SGPP2: variants seen among roughly 807,000 people sequenced by gnomAD.
SGPP2 encodes sphingosine 1-phosphate phosphohydrolase 2.
In SGPP2, 30 loss-of-function variants were observed where a neutral mutation model predicts 33.9. The ratio of observed to expected loss-of-function variants is 0.89; its 90% confidence interval spans 0.66 to 1.20. SGPP2 has a LOEUF of 1.20. SGPP2 is among the 50% of genes most tolerant of loss of function. The probability of loss-of-function intolerance (pLI) is 0.00; values close to 1 mark genes in which losing one functional copy is unlikely to be tolerated. For missense variants in SGPP2, 458 were observed against 532.1 expected, an observed-to-expected ratio of 0.86 and a Z score of 1.37; for synonymous variants, 233 against 225.0, an observed-to-expected ratio of 1.04 and a Z score of -0.32.
chr2:222,546,519 T>G (rs936775646), intron 4 of SGPP2, among the ~76,000 whole-genome samples: 54 of 152,326 alleles, frequency 3.5e-4, no homozygotes, highest in African/African-American at 1.2e-3. Context: ...AAATCTCCAG[T>G]AATCTCTAGT....
At chr2:222,511,058 A>G (rs1327971232) in intron 2 of SGPP2, among the ~76,000 whole-genome samples, 1 of 152,218 alleles carries the variant, frequency 6.6e-6, no homozygotes, top group African/African-American at 2.4e-5. Context: ...AAGTCTGGCT[A>G]ATTGGAAATG....
chr2:222,555,445 GTTTTTTTTTTT>G (rs57228014), intron 4 of SGPP2, among the ~76,000 whole-genome samples: 1 of 85,864 alleles, frequency 1.2e-5, no homozygotes, highest in Admixed American at 1.3e-4. Context: ...TCTTTTATCC[GTTTTTTTTTTT>G]TTTTTTTTTT....
chr2:222,466,434 AT>A (rs1321112435), intron 1 of SGPP2, among the ~76,000 whole-genome samples: 1 of 151,510 alleles, frequency 6.6e-6, no homozygotes, highest in African/African-American at 2.4e-5. Flanking sequence ...AATTTTTTGT[AT>A]TTTTAGTGGA....
In SGPP2 at chr2:222,477,364, T is replaced by C. The variant is rs954879227; in HGVS notation, c.378+2638T>C. Among the ~76,000 whole-genome samples the C allele has an allele frequency of 6.6e-6, 1 of 151,680 alleles. No homozygotes were observed. The highest frequency in any genetic ancestry group is 2.4e-5 in the African/African-American group (1 of 41,214). ...GTGTATAGGTGTGTATATATGTGTA[T>C]GTGTGTATATAGGTGTGTATATATG... On this transcript the variant is annotated intron_variant, in intron 2 of 4. Transcript: ENST00000321276. The surrounding 1 kb of genome is among the most constrained non-coding windows in gnomAD (Gnocchi z 6.0).
In SGPP2 at chr2:222,496,912, A is replaced by T. The variant is rs180898605; in HGVS notation, c.378+22186A>T. On this transcript the variant is annotated intron_variant, in intron 2 of 4. Coordinates refer to ENST00000321276, the MANE Select transcript of SGPP2 (RefSeq NM_152386.4). ...AATAAATATTGGGTAACATAAATAAAGGCTATTTCTACAAAAGTGATTTAA... is the reference window on the plus strand; with the variant it reads ...AATAAATATTGGGTAACATAAATAATGGCTATTTCTACAAAAGTGATTTAA... 4.0e-3 allele frequency among the ~76,000 whole-genome samples: 607 copies of T among 152,334 alleles called. 6 individuals carry two copies. Among genetic ancestry groups the T allele is most frequent in the African/African-American group, 0.014 (570 of 41,566 alleles).
At chr2:222,553,877 T>A (rs1165360621) in intron 4 of SGPP2, among the ~76,000 whole-genome samples, 1 of 152,128 alleles carries the variant, frequency 6.6e-6, no homozygotes, top group East Asian at 1.9e-4. Context: ...AGAGGCTTGT[T>A]TGCAGTGTGA....
chr2:222,470,835 T>C (rs1697827156), intron 1 of SGPP2, among the ~76,000 whole-genome samples: 1 of 152,186 alleles, frequency 6.6e-6, no homozygotes, highest in Non-Finnish European at 1.5e-5. Context: ...GAGCTCTTTA[T>C]AGGGTGTGCC....
rs113231308 is a variant in SGPP2, at chr2:222,561,331, C to G, written c.*2433C>G. On this transcript the variant is annotated 3_prime_UTR_variant, in exon 5 of 5. Transcript: ENST00000321276. ...CAGTGGCTGTCAGCCGGATGCGGCA[C>G]TTTTCTGTATTTTCATCCACACAGC... Among the ~76,000 whole-genome samples the G allele has an allele frequency of 5.5e-3, 839 of 152,068 alleles. 3 individuals carry two copies. Among genetic ancestry groups the G allele is most frequent in the African/African-American group, 0.019 (796 of 41,500 alleles).
chr2:222,501,326 A>AT (rs35051844), intron 2 of SGPP2, among the ~76,000 whole-genome samples: 127,393 of 150,728 alleles, frequency 0.85, 55,371 homozygotes, highest in East Asian at 0.99. Context: ...AATCTTACTT[A>AT]TTTTTTTTTG....
intron 4 of SGPP2, among the ~76,000 whole-genome samples, chr2:222,547,985 A>G (rs1689231444): frequency 6.6e-6 from 1 of 152,252 alleles, no homozygotes; most frequent in African/African-American, 2.4e-5. Flanking sequence ...AAGAAATATT[A>G]CATTGAGATT....
chr2:222,451,129 A>C (rs189869740), intron 1 of SGPP2, among the ~76,000 whole-genome samples: 2 of 115,646 alleles, frequency 1.7e-5, no homozygotes, highest in Admixed American at 2.2e-4. Context: ...AATAAAAACC[A>C]TACAAAAAGA....
rs1415476535 is a variant in SGPP2, at chr2:222,550,747, G to A, written c.649-7600G>A. 6.6e-6 allele frequency among the ~76,000 whole-genome samples: 1 copy of A among 152,064 alleles called. No homozygotes were observed. Among genetic ancestry groups the A allele is most frequent in the East Asian group, 1.9e-4 (1 of 5,190 alleles). ...GTTCTAGAGTCTTTCTTATTATGAT[G>A]TATGTTCCATACTTTCTGCATTTTT... On this transcript the variant is annotated intron_variant, in intron 4 of 4. Coordinates refer to ENST00000321276, the MANE Select transcript of SGPP2 (RefSeq NM_152386.4). This position sits in a 1 kb window ranked among gnomAD's most constrained non-coding sequence, Gnocchi z 4.5.
chr2:222,519,915 T>C (rs936261112), intron 2 of SGPP2, among the ~76,000 whole-genome samples: 2 of 152,248 alleles, frequency 1.3e-5, no homozygotes, highest in East Asian at 1.9e-4. Context: ...CAGTCCACTA[T>C]TGATGGGCAC....
intron 1 of SGPP2, among the ~76,000 whole-genome samples, chr2:222,445,219 A>G (rs1697381776): frequency 6.6e-6 from 1 of 152,236 alleles, no homozygotes; most frequent in African/African-American, 2.4e-5. Flanking sequence ...GGGGTCACAA[A>G]CCAGGACTTG....
intron 2 of SGPP2, among the ~76,000 whole-genome samples, chr2:222,493,995 A>G (rs1698237852): frequency 6.6e-6 from 1 of 152,234 alleles, no homozygotes; most frequent in African/African-American, 2.4e-5. Context: ...TAATCTTTAT[A>G]AAAGAACAAC....
intron 2 of SGPP2, among the ~76,000 whole-genome samples, chr2:222,509,651 T>C (rs560471162): frequency 6.6e-6 from 1 of 152,318 alleles, no homozygotes; most frequent in African/African-American, 2.4e-5. Context: ...CTGAAATCAA[T>C]ATGTGAAGGC....
chr2:222,475,172 C>T (rs181416427), intron 2 of SGPP2, among the ~76,000 whole-genome samples: 14 of 152,258 alleles, frequency 9.2e-5, no homozygotes, highest in African/African-American at 1.7e-4. Context: ...CAGGTTCAAG[C>T]GATTCTCCTG....
intron 1 of SGPP2, among the ~76,000 whole-genome samples, chr2:222,444,169 C>T (rs1331172437): frequency 6.6e-6 from 1 of 152,184 alleles, no homozygotes; most frequent in African/African-American, 2.4e-5. Flanking sequence ...GACAAGGGAC[C>T]TTGGGACCAT....
intron 2 of SGPP2, among the ~76,000 whole-genome samples, chr2:222,517,924 T>C (rs1052446156): frequency 6.6e-6 from 1 of 152,250 alleles, no homozygotes; most frequent in African/African-American, 2.4e-5. Flanking sequence ...GTTTTCTGTA[T>C]ATGTACACAT....
Sources: gnomAD v4.1 joint callset for allele counts (sites outside exome capture counted in the v4.1 genomes callset) on GRCh38, gnomAD v4.1.1 for gene constraint, Gnocchi (gnomAD v3.1) non-coding constraint, MANE v1.5 for transcripts, NCBI Gene and HGNC (gene_info 2026-07-23, HGNC 2026-07-21) for gene names.